The following SCMH1 variants were observed in gnomAD, a reference collection of about 807,000 sequenced individuals.
SCMH1 encodes Scm polycomb group protein homolog 1.
In SCMH1, 37 loss-of-function variants were observed where a neutral mutation model predicts 70.8. That is an observed-to-expected ratio of 0.52 (90% CI 0.40 to 0.69). SCMH1 has a LOEUF of 0.69. Ranked by LOEUF, SCMH1 falls within the 30% of genes least tolerant of loss-of-function variation. The pLI, the probability that SCMH1 is intolerant of heterozygous loss-of-function variation, is 0.00. For missense variants in SCMH1, 607 were observed against 827.3 expected, an observed-to-expected ratio of 0.73 and a Z score of 3.27; for synonymous variants, 292 against 307.4, an observed-to-expected ratio of 0.95 and a Z score of 0.52.
chr1:41,093,695 T>C (rs747932072), intron 8 of SCMH1, among the ~76,000 whole-genome samples: 3 of 152,226 alleles, frequency 2.0e-5, no homozygotes, highest in Non-Finnish European at 2.9e-5. Flanking sequence ...TTCACTGAGT[T>C]ATACAGATTT....
At chr1:41,118,236 T>C (rs1236923907) in intron 6 of SCMH1, among the ~76,000 whole-genome samples, 1 of 152,176 alleles carries the variant, frequency 6.6e-6, no homozygotes, top group Admixed American at 6.5e-5. Flanking sequence ...TCCAAGGTAA[T>C]GCTGTAAAGT....
chr1:41,237,380 A>G (rs1427984954), intron 1 of SCMH1, among the ~76,000 whole-genome samples: 1 of 152,214 alleles, frequency 6.6e-6, no homozygotes, highest in Non-Finnish European at 1.5e-5. Flanking sequence ...TGGCCTACAC[A>G]GGAACTTCTT....
chr1:41,048,060 C>A (rs1379813995), intron 11 of SCMH1, among the ~76,000 whole-genome samples: 1 of 152,112 alleles, frequency 6.6e-6, no homozygotes, highest in Non-Finnish European at 1.5e-5. Context: ...GGAATAGCAT[C>A]AGTTAAGACT....
intron 8 of SCMH1, among the ~76,000 whole-genome samples, chr1:41,088,263 T>C (rs991077341): frequency 4.6e-5 from 7 of 152,068 alleles, no homozygotes; most frequent in African/African-American, 1.7e-4. Context: ...GTGAAAGTGA[T>C]TGCTTAAAGA....
At chr1:41,093,913 G>T (rs1664359845) in intron 8 of SCMH1, among the ~76,000 whole-genome samples, 1 of 152,254 alleles carries the variant, frequency 6.6e-6, no homozygotes, top group East Asian at 1.9e-4. Context: ...TAAAGTGACA[G>T]GCTCACTTAG....
intron 1 of SCMH1, among the ~76,000 whole-genome samples, chr1:41,227,708 G>A (rs374406109): frequency 3.9e-5 from 6 of 152,278 alleles, no homozygotes; most frequent in Admixed American, 6.5e-5. Context: ...TTGGCTGGGC[G>A]CAGTGGCTCA....
chr1:41,084,142 A>G (rs1166313431), intron 8 of SCMH1, among the ~76,000 whole-genome samples: 1 of 152,216 alleles, frequency 6.6e-6, no homozygotes, highest in Admixed American at 6.5e-5. Context: ...AAATTAAACT[A>G]AAGAGCTTCT....
intron 4 of SCMH1, among the ~76,000 whole-genome samples, chr1:41,156,309 A>G (rs1645538076): frequency 6.6e-6 from 1 of 152,246 alleles, no homozygotes. Context: ...CTTAAAAACA[A>G]TTAAGCATAA....
chr1:41,131,300 G>A (rs181456484), intron 6 of SCMH1, among the ~76,000 whole-genome samples: 2 of 152,262 alleles, frequency 1.3e-5, no homozygotes, highest in African/African-American at 4.8e-5. Context: ...TAGCTTTGTA[G>A]TAAGTTTTGA....
chr1:41,045,155 A>G (rs184654519), intron 12 of SCMH1, among the ~76,000 whole-genome samples: 1 of 151,626 alleles, frequency 6.6e-6, no homozygotes, highest in East Asian at 1.9e-4. Context: ...CCCAGTCCAG[A>G]CTCCCAGTGC....
rs149253859 is a variant in SCMH1, at chr1:41,028,008, C to T, written c.*186G>A. ...CCAGCCCTGGACCCCCACTCTCCCT[C>T]CTCAGTCCTTCATGGAAGGACTTAT... On this transcript the variant is annotated 3_prime_UTR_variant, in exon 15 of 15. Transcript: ENST00000337495. 8.7e-3 allele frequency: 5,769 copies of T among 665,254 alleles called. 38 individuals are homozygous for T. Among genetic ancestry groups the T allele is most frequent in the Admixed American group, 0.011 (391 of 34,282 alleles). The allele number at this position is 665,254 out of a possible 1,614,324, so 41.2% of individuals were successfully genotyped here.
intron 2 of SCMH1, among the ~76,000 whole-genome samples, chr1:41,177,397 T>A (rs989941822): frequency 1.1e-4 from 17 of 152,136 alleles, no homozygotes; most frequent in Non-Finnish European, 2.4e-4. Flanking sequence ...AGAGAATGAC[T>A]TTGATGAGTT....
At chr1:41,179,845 T>A (rs952189638) in intron 2 of SCMH1, among the ~76,000 whole-genome samples, 1 of 152,074 alleles carries the variant, frequency 6.6e-6, no homozygotes, top group African/African-American at 2.4e-5. Flanking sequence ...AAAGAAGGAA[T>A]CCTCCCTAAC....
intron 9 of SCMH1, among the ~76,000 whole-genome samples, chr1:41,072,926 T>C (rs1360130957): frequency 6.6e-6 from 1 of 152,058 alleles, no homozygotes; most frequent in Non-Finnish European, 1.5e-5. Context: ...GGAAGGCATA[T>C]ACACTTGTAG....
chr1:41,179,201 C>G (rs1158992960), intron 2 of SCMH1, among the ~76,000 whole-genome samples: 2 of 151,942 alleles, frequency 1.3e-5, no homozygotes, highest in Non-Finnish European at 2.9e-5. Context: ...AACAAAGACA[C>G]AACATACCAG....
At chr1:41,041,297 TATTA>T in intron 12 of SCMH1, 1 of 152,302 alleles carries the variant, frequency 6.6e-6, no homozygotes, top group East Asian at 1.9e-4. Flanking sequence ...CAACAAATAC[TATTA>T]ATTACTTACC....
rs754759737 is a variant in SCMH1, at chr1:41,235,596, AG to A, written c.-118+6462del. ...AAAAAAAAAAAAAAAAAAAAAAAAA[AG>A]AAAAGTTCAGATATATAAAAGGCAT... is the stretch of plus-strand genomic sequence containing the variant. On this transcript the variant is annotated intron_variant, in intron 1 of 14. Coordinates refer to ENST00000337495, the Ensembl canonical transcript of SCMH1. 4.4e-3 allele frequency among the ~76,000 whole-genome samples: 639 copies of A among 146,300 alleles called. 19 individuals carry two copies. Among genetic ancestry groups the A allele is most frequent in the East Asian group, 0.02 (94 of 4,726 alleles).
rs1645450179 is a variant in SCMH1 at position 41,037,353 on chromosome 1, T to C, written c.1678+9A>G. ...GAGGGAAGGAGGGCCAGGACTCTGG[T>C]AAGCTTACCCCTGGAGCATAGCCTG... On this transcript the variant is annotated intron_variant, in intron 13 of 14. Transcript: ENST00000337495. The C allele has an allele frequency of 6.2e-6, 10 of 1,613,068 alleles. No individual in the cohort carries two copies. In the East Asian group the frequency reaches 2.2e-4, roughly 36 times the overall value.
At chr1:41,180,670 A>G (rs1006557034) in intron 2 of SCMH1, among the ~76,000 whole-genome samples, 3 of 152,204 alleles carry the variant, frequency 2.0e-5, no homozygotes. Flanking sequence ...AAGGAGAACT[A>G]CAAACCACTG....
Sources: allele counts gnomAD v4.1 joint callset (sites outside exome capture counted in the v4.1 genomes callset), GRCh38; gene constraint gnomAD v4.1.1; transcripts MANE v1.5; gene names NCBI Gene and HGNC (gene_info 2026-07-23, HGNC 2026-07-21).